The following RTN4 variants were observed in gnomAD, a reference collection of about 807,000 sequenced individuals.
The protein encoded by RTN4 is reticulon-4.
In RTN4, 32 loss-of-function variants were observed where a neutral mutation model predicts 90.4. The ratio of observed to expected loss-of-function variants is 0.35; its 90% CI spans 0.27 to 0.48. RTN4 has a LOEUF of 0.48. RTN4 is among the 20% of genes least tolerant of loss of function. The pLI is 0.99. For missense variants in RTN4, 1,706 were observed against 1,430.2 expected (o/e 1.19, Z -3.11); for synonymous variants, 629 against 552.5 (o/e 1.14, Z -1.94).
chr2:55,009,583 T>A (rs975292961), intron 3 of RTN4, among the ~76,000 whole-genome samples: 1 of 152,196 alleles, frequency 6.6e-6, no homozygotes, highest in African/African-American at 2.4e-5. Flanking sequence ...AAGATGCACA[T>A]AATCTGATTA....
chr2:55,110,859 G>T (rs1668025781), intron 1 of RTN4, among the ~76,000 whole-genome samples: 1 of 152,150 alleles, frequency 6.6e-6, no homozygotes, highest in Non-Finnish European at 1.5e-5. Flanking sequence ...TGGTCAACAT[G>T]GCAAAACCCT....
chr2:55,003,736 A>G (rs1249815953), intron 3 of RTN4, among the ~76,000 whole-genome samples: 4 of 152,190 alleles, frequency 2.6e-5, no homozygotes, highest in Non-Finnish European at 5.9e-5. Flanking sequence ...ATCTGTAACT[A>G]AGCAAGTACA....
chr2:55,025,555 A>G lies in RTN4; in HGVS notation c.2544T>C (p.Ser848=), dbSNP rs750870058. ...CAGTTTCTCTTATCTGTGCTTCCTT[A>G]GAAATAAATAAGTCATCATTTGAAT... ...AVYSNDDLFI[S]KEAQIRETET... The change falls in exon 3 of 9, where the codon TCT becomes TCC. Residue 848 remains serine (S), a synonymous_variant. Coordinates refer to ENST00000337526, the MANE Select transcript of RTN4 (RefSeq NM_020532.5). 5.6e-6 allele frequency: 9 copies of G among 1,613,654 alleles called. No individual in the cohort carries two copies. Among genetic ancestry groups the G allele is most frequent in the African/African-American group, 1.3e-5 (1 of 74,904 alleles).
intron 3 of RTN4, among the ~76,000 whole-genome samples, chr2:54,990,642 G>A (rs1678928798): frequency 6.6e-6 from 1 of 152,102 alleles, no homozygotes; most frequent in Non-Finnish European, 1.5e-5. Context: ...AAACTATACT[G>A]TTGTGTTATA....
intron 1 of RTN4, chr2:55,049,054 G>C: frequency 1.0e-6 from 1 of 966,428 alleles, no homozygotes; most frequent in Non-Finnish European, 1.2e-6. Context: ...ACACCCCGGG[G>C]AGCTGGGCGG....
chr2:55,003,396 T>C (rs764519570), intron 3 of RTN4, among the ~76,000 whole-genome samples: 2 of 152,158 alleles, frequency 1.3e-5, no homozygotes, highest in Non-Finnish European at 2.9e-5. Context: ...CAAAATATTT[T>C]AGTGTCTATA....
intron 1 of RTN4, among the ~76,000 whole-genome samples, chr2:55,090,426 A>G (rs1668915818): frequency 6.6e-6 from 1 of 152,220 alleles, no homozygotes; most frequent in Non-Finnish European, 1.5e-5. Flanking sequence ...CTGCGTATGG[A>G]CATAGAGAAA....
intron 1 of RTN4, among the ~76,000 whole-genome samples, chr2:55,040,991 A>T (rs957702971): frequency 3.4e-5 from 4 of 116,064 alleles, no homozygotes; most frequent in African/African-American, 7.3e-5. Context: ...CTATGTAAAG[A>T]GACTGCTTTA....
chr2:55,077,166 T>G (rs1668617915), intron 2 of RTN4, among the ~76,000 whole-genome samples: 1 of 151,802 alleles, frequency 6.6e-6, no homozygotes, highest in South Asian at 2.1e-4. Context: ...GCACCCACCA[T>G]CATGCCCTGC....
At chr2:55,105,947 G>T (rs1405782807) in intron 1 of RTN4, among the ~76,000 whole-genome samples, 1 of 152,064 alleles carries the variant, frequency 6.6e-6, no homozygotes, top group East Asian at 1.9e-4. Context: ...GCCACTGCAA[G>T]CCAGCCTGGG....
chr2:55,049,697 AGGGAGGGGCGCGAG>A, intron 1 of RTN4, 34 bp downstream of exon 1: 1 of 1,433,716 alleles, frequency 7.0e-7, no homozygotes, highest in Non-Finnish European at 9.2e-7. Flanking sequence ...CACACAAAAG[AGGGAGGGGCGCGAG>A]GGGCGGCGCG....
intron 1 of RTN4, among the ~76,000 whole-genome samples, chr2:55,047,310 C>T (rs1573471665): frequency 1.4e-5 from 2 of 138,956 alleles, no homozygotes; most frequent in African/African-American, 5.5e-5. Context: ...AGCCTGGTGA[C>T]AAGGGGGAGA....
intron 1 of RTN4, among the ~76,000 whole-genome samples, chr2:55,088,883 T>C (rs1668888506): frequency 6.6e-6 from 1 of 152,190 alleles, no homozygotes; most frequent in Non-Finnish European, 1.5e-5. Flanking sequence ...AGTTTATTGG[T>C]CTCCCATCCT....
intron 1 of RTN4, among the ~76,000 whole-genome samples, chr2:55,102,725 A>G (rs1220284333): frequency 6.6e-6 from 1 of 152,080 alleles, no homozygotes; most frequent in Non-Finnish European, 1.5e-5. Flanking sequence ...AATCCAAGAG[A>G]TTTATAAAAC....
chr2:55,068,157 T>A (rs1668427401), intron 2 of RTN4, among the ~76,000 whole-genome samples: 1 of 152,210 alleles, frequency 6.6e-6, no homozygotes, highest in African/African-American at 2.4e-5. Flanking sequence ...ATATTACTAT[T>A]TGGTACCATA....
intron 1 of RTN4, among the ~76,000 whole-genome samples, chr2:55,029,109 G>C (rs1406769392): frequency 1.3e-5 from 2 of 152,170 alleles, no homozygotes; most frequent in Non-Finnish European, 2.9e-5. Flanking sequence ...AGAGACACCA[G>C]AGAGCTTGCT....
At chr2:55,129,676 C>T in the RTN4 span, among the ~76,000 whole-genome samples, 76 of 152,182 alleles carry the variant, frequency 5.0e-4, no homozygotes, top group Non-Finnish European at 1.1e-3. Context: ...ATTCTCCTGC[C>T]TCAGCCTCCC....
At chr2:55,002,372 T>C (rs35826668) in intron 3 of RTN4, among the ~76,000 whole-genome samples, 76,712 of 152,042 alleles carry the variant, frequency 0.5, 19,790 homozygotes, top group South Asian at 0.57. Flanking sequence ...GGTCTTTTTT[T>C]CCTATATTTC....
intron 1 of RTN4, among the ~76,000 whole-genome samples, chr2:55,103,834 A>G (rs575494196): frequency 9.2e-4 from 139 of 151,740 alleles, no homozygotes; most frequent in Admixed American, 1.6e-3. Flanking sequence ...AGCTAGAATT[A>G]CAGGCTCCCA....
Sources: allele counts gnomAD v4.1 joint callset (sites outside exome capture counted in the v4.1 genomes callset), GRCh38; gene constraint gnomAD v4.1.1; transcripts MANE v1.5; gene names NCBI Gene and HGNC (gene_info 2026-07-23, HGNC 2026-07-21).